CNTNAP2: variants seen among roughly 807,000 people sequenced by gnomAD.
The protein encoded by CNTNAP2 is contactin associated protein 2.
CNTNAP2 carries 98 observed loss-of-function variants against 155.2 expected under a neutral mutation model. That is an observed-to-expected ratio of 0.63 (90% confidence interval 0.54 to 0.75). CNTNAP2 has a LOEUF of 0.75. Ranked by LOEUF, CNTNAP2 falls within the 30% of genes least tolerant of loss-of-function variation. The pLI, the probability that CNTNAP2 is intolerant of heterozygous loss-of-function variation, is 0.00. For missense variants in CNTNAP2, 1,727 were observed against 1,688.1 expected (o/e 1.02, Z -0.40); for synonymous variants, 651 against 631.2 (o/e 1.03, Z -0.47).
At chr7:147,868,941 G>A (rs371933459) in intron 13 of CNTNAP2, among the ~76,000 whole-genome samples, 3 of 152,212 alleles carry the variant, frequency 2.0e-5, no homozygotes, top group African/African-American at 7.2e-5. Flanking sequence ...GTGAGGCAAC[G>A]CCTGCCCTAC....
At chr7:148,024,173 A>AAAAAAAAAAAAAAAAAAC (rs796940228) in intron 15 of CNTNAP2, among the ~76,000 whole-genome samples, 8 of 147,966 alleles carry the variant, frequency 5.4e-5, no homozygotes, top group South Asian at 4.3e-4. Context: ...AAAAAAAAAA[A>AAAAAAAAAAAAAAAAAAC]AAAAAACTTT....
At chr7:146,738,153 T>C (rs1801652439) in intron 1 of CNTNAP2, among the ~76,000 whole-genome samples, 1 of 152,088 alleles carries the variant, frequency 6.6e-6, no homozygotes, top group African/African-American at 2.4e-5. Context: ...TGGGTTCTTT[T>C]TCTCCACATC....
chr7:147,578,805 G>A (rs753409965), intron 12 of CNTNAP2, among the ~76,000 whole-genome samples: 6 of 151,952 alleles, frequency 3.9e-5, no homozygotes, highest in Non-Finnish European at 7.4e-5. Flanking sequence ...AAAACCCTGT[G>A]TATTACGAAA....
chr7:146,996,012 G>T (rs1563036777), intron 3 of CNTNAP2, among the ~76,000 whole-genome samples: 1 of 149,704 alleles, frequency 6.7e-6, no homozygotes, highest in African/African-American at 2.5e-5. Flanking sequence ...TTTTGTTTTT[G>T]TTTTTTTTTA....
chr7:147,929,911 A>G (rs888241849), intron 14 of CNTNAP2, among the ~76,000 whole-genome samples: 2 of 152,154 alleles, frequency 1.3e-5, no homozygotes, highest in Non-Finnish European at 2.9e-5. Flanking sequence ...GGAGCACACA[A>G]CCTAGATCCC....
intron 9 of CNTNAP2, among the ~76,000 whole-genome samples, chr7:147,320,336 C>G (rs1450709094): frequency 2.0e-5 from 3 of 152,162 alleles, no homozygotes; most frequent in African/African-American, 7.2e-5. Flanking sequence ...TTCTTCCAGA[C>G]ATTCATGAAT....
chr7:146,478,666 CT>C (rs1382704447), intron 1 of CNTNAP2, among the ~76,000 whole-genome samples: 9 of 151,900 alleles, frequency 5.9e-5, no homozygotes, highest in Admixed American at 4.6e-4. Flanking sequence ...AACCCCTCCC[CT>C]CTTCCCCTCT....
chr7:146,851,472 T>C (rs886851598), intron 3 of CNTNAP2, among the ~76,000 whole-genome samples: 5 of 152,002 alleles, frequency 3.3e-5, no homozygotes, highest in Admixed American at 2.6e-4. Context: ...ATAAACTGGG[T>C]GGCTCAAACA....
At chr7:147,609,185 T>TAAAA (rs1156693163) in intron 12 of CNTNAP2, among the ~76,000 whole-genome samples, 1 of 151,996 alleles carries the variant, frequency 6.6e-6, no homozygotes, top group Non-Finnish European at 1.5e-5. Flanking sequence ...CTGCAAAAGT[T>TAAAA]AAAACAAACA....
chr7:148,116,669 CCAT>C (rs1232049825), intron 15 of CNTNAP2, among the ~76,000 whole-genome samples: 1 of 152,078 alleles, frequency 6.6e-6, no homozygotes, highest in Non-Finnish European at 1.5e-5. Flanking sequence ...TTAAATAAGA[CCAT>C]ATTTTAATAT....
chr7:147,981,915 C>T (rs1349748500), intron 15 of CNTNAP2, among the ~76,000 whole-genome samples: 2 of 151,172 alleles, frequency 1.3e-5, no homozygotes, highest in South Asian at 2.1e-4. Flanking sequence ...ACGGATGGTT[C>T]GCTGAAATAA....
chr7:146,161,125 A>T (rs1200293309), intron 1 of CNTNAP2, among the ~76,000 whole-genome samples: 1 of 152,236 alleles, frequency 6.6e-6, no homozygotes. Flanking sequence ...ATAGATGCAG[A>T]AAAGGCCTTT....
chr7:148,186,496 A>C (rs543197571), intron 18 of CNTNAP2, among the ~76,000 whole-genome samples: 7 of 152,330 alleles, frequency 4.6e-5, no homozygotes, highest in Non-Finnish European at 7.3e-5. Context: ...GATCAGATCC[A>C]AGTTGTGTTC....
At position 146,326,062 on chromosome 7, in the gene CNTNAP2, C is replaced by A. The variant is rs148380569; in HGVS notation, c.97+209089C>A. The stretch of plus-strand genomic sequence containing the variant: ...AGATCTAAGTTAATGATTCTATCTA[C>A]AATTATAGGTAATTATTAAGTGCTT... On this transcript the variant is annotated intron_variant, in intron 1 of 23. Transcript: ENST00000361727. 9.1e-4 allele frequency among the ~76,000 whole-genome samples: 139 copies of A among 152,302 alleles called. 2 individuals are homozygous for A. The East Asian group carries it at 0.018, about 20-fold the overall frequency.
chr7:146,259,226 C>T (rs1205472846), intron 1 of CNTNAP2, among the ~76,000 whole-genome samples: 1 of 152,166 alleles, frequency 6.6e-6, no homozygotes, highest in Non-Finnish European at 1.5e-5. Context: ...AAATTTACCA[C>T]TCTCAGGTAG....
At chr7:146,572,525 A>G (rs560517593) in intron 1 of CNTNAP2, among the ~76,000 whole-genome samples, 1 of 152,316 alleles carries the variant, frequency 6.6e-6, no homozygotes, top group African/African-American at 2.4e-5. Flanking sequence ...CCATCAGTCA[A>G]GTAACAGGAA....
At chr7:146,696,268 T>C (rs1800781159) in intron 1 of CNTNAP2, among the ~76,000 whole-genome samples, 1 of 152,218 alleles carries the variant, frequency 6.6e-6, no homozygotes, top group Non-Finnish European at 1.5e-5. Flanking sequence ...TTGCGCCTTC[T>C]GTGGAATCAG....
At chr7:146,895,531 A>T (rs1395180026) in intron 3 of CNTNAP2, among the ~76,000 whole-genome samples, 1 of 152,110 alleles carries the variant, frequency 6.6e-6, no homozygotes, top group African/African-American at 2.4e-5. Context: ...TTGTAAAAAC[A>T]TAACATTGAA....
chr7:148,198,943 G>A (rs1232153094), intron 18 of CNTNAP2, among the ~76,000 whole-genome samples: 2 of 152,172 alleles, frequency 1.3e-5, no homozygotes, highest in Non-Finnish European at 2.9e-5. Flanking sequence ...GGTCATTGGG[G>A]ATGGAGTAGA....
Sources: gnomAD v4.1 joint callset for allele counts (sites outside exome capture counted in the v4.1 genomes callset) on GRCh38, gnomAD v4.1.1 for gene constraint, MANE v1.5 for transcripts, NCBI Gene and HGNC (gene_info 2026-07-23, HGNC 2026-07-21) for gene names.